The following PRR16 variants were observed in gnomAD, a reference collection of about 807,000 sequenced individuals.
The protein encoded by PRR16 is proline rich 16.
A neutral mutation model predicts 18.2 loss-of-function variants in PRR16; 6 were observed. That is an observed-to-expected ratio of 0.33 (90% CI 0.18 to 0.65). The LOEUF (loss-of-function observed/expected upper bound fraction) is 0.65. Among genes scored for constraint, PRR16 ranks in the 30% least tolerant of loss-of-function variants. The pLI, the probability that PRR16 is intolerant of heterozygous loss-of-function variation, is 0.74. For missense variants in PRR16, 412 were observed against 376.6 expected, an observed-to-expected ratio of 1.09 and a Z score of -0.78; for synonymous variants, 151 against 147.8, an observed-to-expected ratio of 1.02 and a Z score of -0.16.
At chr5:120,607,015 G>A (rs915194603) in intron 1 of PRR16, among the ~76,000 whole-genome samples, 4 of 152,196 alleles carry the variant, frequency 2.6e-5, no homozygotes, top group Non-Finnish European at 5.9e-5. Flanking sequence ...AACATGGGCA[G>A]TGCTTTTTGG....
At chr5:120,639,048 A>T (rs375707457) in intron 1 of PRR16, among the ~76,000 whole-genome samples, 1 of 152,158 alleles carries the variant, frequency 6.6e-6, no homozygotes, top group South Asian at 2.1e-4. Context: ...TCAAACGAGT[A>T]TGTAGTGACT....
chr5:120,658,874 A>G (rs1385689988), intron 1 of PRR16, among the ~76,000 whole-genome samples: 2 of 151,900 alleles, frequency 1.3e-5, no homozygotes. Context: ...AAGTCTAAAG[A>G]AGTAGTATTT....
chr5:120,719,270 C>A, the PRR16 span, among the ~76,000 whole-genome samples: 1 of 151,778 alleles, frequency 6.6e-6, no homozygotes, highest in Non-Finnish European at 1.5e-5. Context: ...GTGATAATGA[C>A]AATAATGATA....
intron 1 of PRR16, among the ~76,000 whole-genome samples, chr5:120,495,756 G>A (rs1473974675): frequency 6.6e-6 from 1 of 151,808 alleles, no homozygotes; most frequent in Non-Finnish European, 1.5e-5. Flanking sequence ...CGTACCCTTT[G>A]CAAATACAGT....
chr5:120,638,397 A>T (rs13362045), intron 1 of PRR16, among the ~76,000 whole-genome samples: 32 of 152,252 alleles, frequency 2.1e-4, no homozygotes, highest in Admixed American at 1.8e-3. Flanking sequence ...AATGTATTTG[A>T]GCCATTTTTT....
At chr5:120,696,590 C>T in the PRR16 span, among the ~76,000 whole-genome samples, 1 of 152,168 alleles carries the variant, frequency 6.6e-6, no homozygotes, top group East Asian at 1.9e-4. Flanking sequence ...TAAGTTTCCT[C>T]ATTTGAGATA....
chr5:120,665,984 A>G (rs1354221770), intron 1 of PRR16, among the ~76,000 whole-genome samples: 1 of 151,612 alleles, frequency 6.6e-6, no homozygotes, highest in Non-Finnish European at 1.5e-5. Context: ...GTTTTTTCCA[A>G]TTCTGTGAAG....
chr5:120,754,427 A>C, the PRR16 span, among the ~76,000 whole-genome samples: 5 of 87,532 alleles, frequency 5.7e-5, no homozygotes, highest in Non-Finnish European at 6.0e-5. Flanking sequence ...ATATTATATA[A>C]TATATAGTAT....
At chr5:120,523,482 A>T (rs529779800) in intron 1 of PRR16, among the ~76,000 whole-genome samples, 10 of 152,316 alleles carry the variant, frequency 6.6e-5, no homozygotes, top group African/African-American at 2.4e-4. Flanking sequence ...TGTGAGTATT[A>T]TAAACAGCAT....
chr5:120,551,904 A>G (rs1209569666), intron 1 of PRR16, among the ~76,000 whole-genome samples: 2 of 151,938 alleles, frequency 1.3e-5, no homozygotes, highest in African/African-American at 4.8e-5. Flanking sequence ...GAGTTCATGG[A>G]TGAATATTTT....
intron 1 of PRR16, among the ~76,000 whole-genome samples, chr5:120,546,835 A>C (rs560806043): frequency 3.3e-5 from 5 of 152,002 alleles, no homozygotes; most frequent in African/African-American, 7.2e-5. Flanking sequence ...AAAGAAAGCA[A>C]TGTTATTAAG....
chr5:120,754,386 A>ATG, the PRR16 span, among the ~76,000 whole-genome samples: 6 of 27,328 alleles, frequency 2.2e-4, no homozygotes, highest in South Asian at 2.6e-3. Flanking sequence ...TAACATATAT[A>ATG]TTATATGTTA....
intron 1 of PRR16, among the ~76,000 whole-genome samples, chr5:120,469,350 C>G (rs998012999): frequency 1.3e-5 from 2 of 152,182 alleles, no homozygotes; most frequent in Non-Finnish European, 2.9e-5. Context: ...GAGACAGTAT[C>G]TTGCCCTGTC....
the PRR16 span, among the ~76,000 whole-genome samples, chr5:120,702,810 T>C: frequency 6.6e-6 from 1 of 152,140 alleles, no homozygotes; most frequent in Non-Finnish European, 1.5e-5. Context: ...AGAGGCCGCT[T>C]ACCTGATTTA....
chr5:120,644,570 A>G (rs548324352), intron 1 of PRR16, among the ~76,000 whole-genome samples: 1 of 152,278 alleles, frequency 6.6e-6, no homozygotes, highest in Non-Finnish European at 1.5e-5. Flanking sequence ...ACCTGAGTCA[A>G]CAGAAAACTG....
At chr5:120,724,886 G>A in the PRR16 span, among the ~76,000 whole-genome samples, 2 of 151,740 alleles carry the variant, frequency 1.3e-5, no homozygotes, top group African/African-American at 4.8e-5. Flanking sequence ...AGCCTTAATG[G>A]TATCTGTATT....
intron 1 of PRR16, among the ~76,000 whole-genome samples, chr5:120,637,319 A>G (rs1755263802): frequency 1.1e-5 from 1 of 92,188 alleles, no homozygotes. Flanking sequence ...ATTATACGGA[A>G]AAAAAAAAAA....
At chr5:120,539,953 T>C (rs1751857768) in intron 1 of PRR16, among the ~76,000 whole-genome samples, 1 of 152,188 alleles carries the variant, frequency 6.6e-6, no homozygotes, top group Non-Finnish European at 1.5e-5. Flanking sequence ...AATCCCTTTT[T>C]GGTTGAAATT....
intron 1 of PRR16, among the ~76,000 whole-genome samples, chr5:120,503,099 A>AATC (rs1365888237): frequency 6.6e-6 from 1 of 152,208 alleles, no homozygotes; most frequent in African/African-American, 2.4e-5. Flanking sequence ...AAAGACATTG[A>AATC]AAGCCCTTCA....
Sources: gnomAD v4.1 joint callset for allele counts (sites outside exome capture counted in the v4.1 genomes callset) on GRCh38, gnomAD v4.1.1 for gene constraint, MANE v1.5 for transcripts, NCBI Gene and HGNC (gene_info 2026-07-23, HGNC 2026-07-21) for gene names.